The following CDH10 variants were observed in gnomAD, a reference collection of about 807,000 sequenced individuals.
CDH10 encodes the protein cadherin-10.
A neutral mutation model predicts 73.1 loss-of-function variants in CDH10; 30 were observed. The ratio of observed to expected loss-of-function variants is 0.41; its 90% confidence interval spans 0.31 to 0.56. The LOEUF is 0.56. Among genes scored for constraint, CDH10 ranks in the 20% least tolerant of loss-of-function variants. The pLI, the probability that CDH10 is intolerant of heterozygous loss-of-function variation, is 0.27. For synonymous variants in CDH10, 345 were observed against 348.2 expected (o/e 0.99, Z 0.10); for missense variants, 815 against 973.7 (o/e 0.84, Z 2.17).
At chr5:24,606,559 C>A (rs867232988) in intron 1 of CDH10, among the ~76,000 whole-genome samples, 2 of 151,376 alleles carry the variant, frequency 1.3e-5, no homozygotes, top group African/African-American at 4.9e-5. Context: ...TGCAGTGAGC[C>A]GAGATCACAC....
chr5:24,494,100 G>C (rs1273053523), intron 9 of CDH10, among the ~76,000 whole-genome samples: 1 of 151,774 alleles, frequency 6.6e-6, no homozygotes, highest in African/African-American at 2.4e-5. Context: ...TTATTGCCTA[G>C]AAATAAGCAG....
chr5:24,502,799 A>T, intron 8 of CDH10, among the ~76,000 whole-genome samples: 1 of 152,168 alleles, frequency 6.6e-6, no homozygotes, highest in South Asian at 2.1e-4. Context: ...CATGATTCTG[A>T]AATGACCAGA....
At chr5:24,641,667 T>C (rs1167643861) in intron 1 of CDH10, among the ~76,000 whole-genome samples, 1 of 152,092 alleles carries the variant, frequency 6.6e-6, no homozygotes, top group African/African-American at 2.4e-5. Flanking sequence ...TATCATAATA[T>C]GAACCATATA....
intron 2 of CDH10, among the ~76,000 whole-genome samples, chr5:24,545,497 G>C (rs773549562): frequency 8.5e-5 from 13 of 152,088 alleles, no homozygotes; most frequent in Non-Finnish European, 1.6e-4. Flanking sequence ...AAACGCAGGT[G>C]AGGGCTCAGT....
At chr5:24,622,408 A>G (rs1467489965) in intron 1 of CDH10, among the ~76,000 whole-genome samples, 1 of 152,204 alleles carries the variant, frequency 6.6e-6, no homozygotes, top group Admixed American at 6.5e-5. Flanking sequence ...CTGGCTAGCC[A>G]CAGCAAATTC....
intron 2 of CDH10, among the ~76,000 whole-genome samples, chr5:24,588,873 G>A (rs986051877): frequency 2.6e-5 from 4 of 152,122 alleles, no homozygotes; most frequent in African/African-American, 9.7e-5. Context: ...CATGCTTTTT[G>A]AGTCTTCAAT....
chr5:24,519,522 C>G (rs139174648), intron 5 of CDH10, among the ~76,000 whole-genome samples: 2,080 of 151,984 alleles, frequency 0.014, 29 homozygotes, highest in Non-Finnish European at 0.022. Context: ...GCAGAATAAC[C>G]TAGTAGAGAA....
At chr5:24,619,246 T>A (rs1211057353) in intron 1 of CDH10, among the ~76,000 whole-genome samples, 1 of 152,062 alleles carries the variant, frequency 6.6e-6, no homozygotes, top group Non-Finnish European at 1.5e-5. Context: ...CAGGCTGGAG[T>A]GCAGTGGCGC....
chr5:24,531,620 C>T (rs1024053545), intron 5 of CDH10, among the ~76,000 whole-genome samples: 1 of 151,928 alleles, frequency 6.6e-6, no homozygotes, highest in Admixed American at 6.6e-5. Context: ...AATTATAATA[C>T]CATCGGATCT....
chr5:24,514,042 A>G (rs113999238), intron 5 of CDH10, among the ~76,000 whole-genome samples: 2,181 of 152,290 alleles, frequency 0.014, 52 homozygotes, highest in African/African-American at 0.05. Context: ...CTAAGAGTTC[A>G]TCTGAGTGTA....
chr5:24,509,180 T>C lies in CDH10; in HGVS notation c.1256+386A>G, dbSNP rs187462610. 2.0e-5 allele frequency among the ~76,000 whole-genome samples: 3 copies of C among 148,394 alleles called. No homozygotes were observed. The East Asian group carries it at 5.9e-4, about 29-fold the overall frequency. ...TAAATAGAATTTCTTGATCTGTATA[T>C]GTATTTCAACTGCTTTTTTTTTTTT... On this transcript the variant is annotated intron_variant, in intron 7 of 11. Coordinates refer to ENST00000264463, the MANE Select transcript of CDH10 (RefSeq NM_006727.5).
chr5:24,569,400 T>G (rs1021275208), intron 2 of CDH10, among the ~76,000 whole-genome samples: 1 of 152,118 alleles, frequency 6.6e-6, no homozygotes, highest in Non-Finnish European at 1.5e-5. Context: ...TGTGTATATT[T>G]TTTACAATAA....
At chr5:24,564,237 T>C (rs1484613746) in intron 2 of CDH10, among the ~76,000 whole-genome samples, 1 of 152,234 alleles carries the variant, frequency 6.6e-6, no homozygotes, top group Non-Finnish European at 1.5e-5. Flanking sequence ...GATATATTTC[T>C]TTTTGTTGTT....
At chr5:24,604,876 A>C (rs879944970) in intron 1 of CDH10, among the ~76,000 whole-genome samples, 26 of 149,412 alleles carry the variant, frequency 1.7e-4, no homozygotes, top group Non-Finnish European at 3.1e-4. Context: ...GTCTCTAAAA[A>C]AAAAAAAAAA....
intron 1 of CDH10, among the ~76,000 whole-genome samples, chr5:24,603,486 C>A (rs1746642477): frequency 6.6e-6 from 1 of 152,148 alleles, no homozygotes; most frequent in Non-Finnish European, 1.5e-5. Flanking sequence ...TATAATACAT[C>A]ATGACTTCAC....
chr5:24,506,302 C>A (rs1302193939), intron 7 of CDH10, among the ~76,000 whole-genome samples: 1 of 152,156 alleles, frequency 6.6e-6, no homozygotes, highest in Admixed American at 6.5e-5. Flanking sequence ...ACTAGATTAA[C>A]ATTCTGGTTG....
chr5:24,590,430 T>G (rs200978331), intron 2 of CDH10, among the ~76,000 whole-genome samples: 2 of 151,912 alleles, frequency 1.3e-5, no homozygotes, highest in East Asian at 3.9e-4. Context: ...TATAATACAC[T>G]ATAATCATGA....
At chr5:24,619,919 G>A (rs1488571480) in intron 1 of CDH10, among the ~76,000 whole-genome samples, 4 of 152,128 alleles carry the variant, frequency 2.6e-5, no homozygotes, top group African/African-American at 4.8e-5. Context: ...CTTCAGAACC[G>A]TGAGAAATAC....
rs141844287 is a variant in CDH10 at position 24,497,915 on chromosome 5, A to C, written c.1515+483T>G. 3.1e-3 allele frequency among the ~76,000 whole-genome samples: 479 copies of C among 152,336 alleles called. 6 individuals are homozygous for C. Among genetic ancestry groups the C allele is most frequent in the African/African-American group, 0.011 (457 of 41,592 alleles). On this transcript the variant is annotated intron_variant, in intron 9 of 11. Transcript: ENST00000264463. Reference sequence around the variant, plus strand: ...TATGCTGCTGTAATGATGAAATGCAATATGTAAGTCTAAGGAGGAAATTCT... The same window carrying C: ...TATGCTGCTGTAATGATGAAATGCACTATGTAAGTCTAAGGAGGAAATTCT...
Sources: allele counts gnomAD v4.1 joint callset (sites outside exome capture counted in the v4.1 genomes callset), GRCh38; gene constraint gnomAD v4.1.1; transcripts MANE v1.5; gene names NCBI Gene and HGNC (gene_info 2026-07-23, HGNC 2026-07-21).